Variants in TDRD3 observed in about 807,000 individuals in gnomAD.
TDRD3 encodes the protein tudor domain-containing protein 3.
A neutral mutation model predicts 86.7 loss-of-function variants in TDRD3; 45 were observed. The ratio of observed to expected loss-of-function variants is 0.52; its 90% confidence interval spans 0.41 to 0.67. TDRD3 has a LOEUF of 0.67. Among genes scored for constraint, TDRD3 ranks in the 30% least tolerant of loss-of-function variants. The probability of loss-of-function intolerance (pLI) is 0.00; values close to 1 mark genes in which losing one functional copy is unlikely to be tolerated. For missense variants in TDRD3, 814 were observed against 889.0 expected, an observed-to-expected ratio of 0.92 and a Z score of 1.07; for synonymous variants, 298 against 301.7, an observed-to-expected ratio of 0.99 and a Z score of 0.13.
intron 3 of TDRD3, among the ~76,000 whole-genome samples, chr13:60,454,459 A>T (rs1955618690): frequency 6.6e-6 from 1 of 151,924 alleles, no homozygotes; most frequent in Non-Finnish European, 1.5e-5. Flanking sequence ...ATAGTTTGTT[A>T]TGATTTCATT....
In TDRD3 at chr13:60,485,901, G is replaced by C. The variant is rs1278435751; in HGVS notation, c.670G>C (p.Glu224Gln). 1 of 1,610,866 alleles carries C rather than the reference G, an allele frequency of 6.2e-7. No individual in the cohort carries two copies. Among genetic ancestry groups the C allele is most frequent in the Non-Finnish European group, 8.5e-7 (1 of 1,178,724 alleles). The change falls in exon 7 of 14, where the codon GAA (glutamate) becomes CAA (glutamine). Residue 224 changes from glutamate (E) to glutamine (Q), a missense_variant. Glu to Gln is a conservative substitution (Grantham distance 29). Transcript: ENST00000377881. ...VKPTNDNDEFEKQRTAAIAEV... is the reference protein window; with the variant it reads ...VKPTNDNDEFQKQRTAAIAEV... ...ACCTACAAATGATAATGATGAATTT[G>C]AAAAGCAAAGGACGGCTGCTATTGC...
intron 8 of TDRD3, among the ~76,000 whole-genome samples, chr13:60,506,254 A>G (rs943808030): frequency 6.6e-6 from 1 of 152,188 alleles, no homozygotes; most frequent in Non-Finnish European, 1.5e-5. Context: ...GTTTTCTTTA[A>G]GAATTTCATA....
chr13:60,400,198 T>G (rs986411979), intron 1 of TDRD3, among the ~76,000 whole-genome samples: 3 of 152,208 alleles, frequency 2.0e-5, no homozygotes, highest in African/African-American at 4.8e-5. Context: ...GAAATTTGAC[T>G]CTGAATTTAT....
chr13:60,458,053 C>T (rs1594956570), intron 3 of TDRD3, among the ~76,000 whole-genome samples: 1 of 152,118 alleles, frequency 6.6e-6, no homozygotes, highest in Non-Finnish European at 1.5e-5. Flanking sequence ...CTATTTAACC[C>T]ACTAAAAGAG....
At chr13:60,505,761 AAAGTGG>A (rs1956923793) in intron 8 of TDRD3, among the ~76,000 whole-genome samples, 2 of 152,248 alleles carry the variant, frequency 1.3e-5, no homozygotes, top group Non-Finnish European at 2.9e-5. Context: ...CCGAATTGAT[AAAGTGG>A]AAGAAAGGAT....
intron 11 of TDRD3, among the ~76,000 whole-genome samples, chr13:60,529,491 T>C (rs1472054602): frequency 5.9e-5 from 9 of 152,154 alleles, no homozygotes; most frequent in African/African-American, 2.2e-4. Flanking sequence ...TTATGTGAAG[T>C]TGAGCTTTAT....
At chr13:60,454,229 T>C (rs1463441421) in intron 3 of TDRD3, among the ~76,000 whole-genome samples, 1 of 152,164 alleles carries the variant, frequency 6.6e-6, no homozygotes, top group Non-Finnish European at 1.5e-5. Context: ...AGAGTCTTTA[T>C]GGCTTGATAT....
At chr13:60,450,412 T>TA (rs1955508337) in intron 3 of TDRD3, among the ~76,000 whole-genome samples, 3 of 152,208 alleles carry the variant, frequency 2.0e-5, no homozygotes, top group African/African-American at 4.8e-5. Flanking sequence ...TGGCATGAGA[T>TA]AGATCCGAAT....
At chr13:60,453,315 G>T (rs1210224047) in intron 3 of TDRD3, among the ~76,000 whole-genome samples, 1 of 152,144 alleles carries the variant, frequency 6.6e-6, no homozygotes. Context: ...CAAAAAGACA[G>T]CTTAGGAAAA....
At chr13:60,456,020 A>T (rs897272703) in intron 3 of TDRD3, among the ~76,000 whole-genome samples, 4 of 150,538 alleles carry the variant, frequency 2.7e-5, no homozygotes, top group African/African-American at 9.8e-5. Context: ...CAGTGAGCCG[A>T]GATCAAGCCA....
At chr13:60,397,492 CG>C in intron 1 of TDRD3, 87 bp downstream of exon 1, 1 of 1,158,278 alleles carries the variant, frequency 8.6e-7, no homozygotes, top group Non-Finnish European at 1.1e-6. Flanking sequence ...GGGTGCGTGT[CG>C]GGGTAGGCGG....
chr13:60,479,062 C>T (rs1212639334), intron 5 of TDRD3, among the ~76,000 whole-genome samples: 2 of 152,098 alleles, frequency 1.3e-5, no homozygotes, highest in Non-Finnish European at 2.9e-5. Context: ...CTGCCTTGGC[C>T]TCTCAAAGAG....
intron 1 of TDRD3, among the ~76,000 whole-genome samples, chr13:60,400,990 T>C (rs1217466557): frequency 6.6e-6 from 1 of 152,202 alleles, no homozygotes; most frequent in Non-Finnish European, 1.5e-5. Context: ...GAAAATTGGG[T>C]TGAAGCATTT....
rs144444017 is a variant in TDRD3 at position 60,516,398 on chromosome 13, CTT to C, written c.1141+5647_1141+5648del. On this transcript the variant is annotated intron_variant, in intron 10 of 13. Coordinates refer to ENST00000377881, the MANE Select transcript of TDRD3 (RefSeq NM_001146070.2). Reference sequence around the variant, plus strand: ...TCTTAGAAATTTTTCTCAGCATTGACTTTTTGTTGTTATATCTTTAAATTGGA... The same window carrying C: ...TCTTAGAAATTTTTCTCAGCATTGACTTTGTTGTTATATCTTTAAATTGGA... Among the ~76,000 whole-genome samples the C allele has an allele frequency of 1.5e-3, 233 of 152,196 alleles. 2 individuals carry two copies. The East Asian group carries it at 0.021, about 14-fold the overall frequency.
intron 13 of TDRD3, among the ~76,000 whole-genome samples, chr13:60,572,585 C>T (rs1958609953): frequency 6.6e-6 from 1 of 152,164 alleles, no homozygotes. Flanking sequence ...CTCCTGCTGC[C>T]ATGGAGGTCA....
chr13:60,406,750 T>C (rs1954244022), intron 1 of TDRD3, among the ~76,000 whole-genome samples: 1 of 152,204 alleles, frequency 6.6e-6, no homozygotes, highest in Non-Finnish European at 1.5e-5. Context: ...GTTTATTGAC[T>C]TGCTGATATT....
At chr13:60,549,789 A>AT (rs924522686) in intron 12 of TDRD3, among the ~76,000 whole-genome samples, 12 of 151,970 alleles carry the variant, frequency 7.9e-5, no homozygotes, top group Admixed American at 7.2e-4. Flanking sequence ...ATGAAAAGCA[A>AT]TTTTTCTAAC....
chr13:60,397,269 T>C lies in TDRD3; in HGVS notation c.-96T>C. 1.4e-6 allele frequency: 1 copy of C among 730,396 alleles called. No homozygotes were observed. Among genetic ancestry groups the C allele is most frequent in the East Asian group, 3.5e-5 (1 of 28,680 alleles). 45.2% of individuals were successfully genotyped at this position (730,396 alleles called of 1,614,324 possible). A position where few individuals can be genotyped will look rare whatever the true frequency, so the allele number is the denominator to read the frequency against. On this transcript the variant is annotated 5_prime_UTR_variant, in exon 1 of 14. Transcript: ENST00000377881. ...CGACCAGAGGAGTTTTTTCTTTTCT[T>C]TTCTTTTTTTTTTTTTAAGGGGGGG...
chr13:60,477,960 T>A lies in TDRD3; in HGVS notation c.496-5815T>A, dbSNP rs566300322. Among the ~76,000 whole-genome samples the A allele has an allele frequency of 6.1e-4, 93 of 152,342 alleles. 1 individual carries two copies. Among genetic ancestry groups the A allele is most frequent in the Admixed American group, 8.5e-4 (13 of 15,306 alleles). ...TCGGTAGGATTGGTATCAGTTCTTC[T>A]TTGTATGTCTTAAAGAATTTGGCTG... On this transcript the variant is annotated intron_variant, in intron 5 of 13. Coordinates refer to ENST00000377881, the MANE Select transcript of TDRD3 (RefSeq NM_001146070.2).
Sources: allele counts gnomAD v4.1 joint callset (sites outside exome capture counted in the v4.1 genomes callset), GRCh38; gene constraint gnomAD v4.1.1; transcripts MANE v1.5; gene names NCBI Gene and HGNC (gene_info 2026-07-23, HGNC 2026-07-21).